CELF1: variants seen among roughly 807,000 people sequenced by gnomAD.
CELF1 encodes 50 kDa nuclear polyadenylated RNA-binding protein.
CELF1 carries 10 observed loss-of-function variants against 61.8 expected under a neutral mutation model. The ratio of observed to expected loss-of-function variants is 0.16; its 90% CI spans 0.10 to 0.27. CELF1 has a LOEUF of 0.27. Among genes scored for constraint, CELF1 ranks in the 10% least tolerant of loss-of-function variants. CELF1 has a pLI of 1.00. For missense variants in CELF1, 380 were observed against 639.1 expected (o/e 0.59, Z 4.37); for synonymous variants, 236 against 225.1 (o/e 1.05, Z -0.43).
intron 9 of CELF1, among the ~76,000 whole-genome samples, chr11:47,481,102 C>CTTTTTTTTTTTTTTT (rs1187959061): frequency 4.2e-4 from 30 of 71,436 alleles, no homozygotes; most frequent in Admixed American, 7.5e-4. Flanking sequence ...TTTTCTTCTT[C>CTTTTTTTTTTTTTTT]TTTTTTTTTT....
intron 1 of CELF1, among the ~76,000 whole-genome samples, chr11:47,529,803 A>C (rs1197705196): frequency 6.6e-6 from 1 of 152,104 alleles, no homozygotes; most frequent in African/African-American, 2.4e-5. Flanking sequence ...CCTGAGCAAC[A>C]GGGTAAGACT....
chr11:47,475,664 ATC>A, intron 12 of CELF1, 143 bp from the exon 13 acceptor site: 1 of 768,054 alleles, frequency 1.3e-6, no homozygotes, highest in Admixed American at 2.9e-5. Flanking sequence ...AGAAGAAACT[ATC>A]TGACTGGCTA....
At chr11:47,486,078 G>C (rs1365686587) in intron 6 of CELF1, among the ~76,000 whole-genome samples, 1 of 60,054 alleles carries the variant, frequency 1.7e-5, no homozygotes, top group Non-Finnish European at 3.2e-5. Context: ...GGAGAATGCA[G>C]TGAACCCGGG....
intron 1 of CELF1, chr11:47,514,985 C>G (rs369190832): frequency 1.3e-5 from 2 of 152,352 alleles, no homozygotes; most frequent in East Asian, 1.9e-4. Flanking sequence ...GTGGTGAGAG[C>G]TGGGAGGTGG....
At chr11:47,561,566 T>G (rs147255719) in intron 2 of CELF1, among the ~76,000 whole-genome samples, 2 of 151,402 alleles carry the variant, frequency 1.3e-5, no homozygotes, top group East Asian at 3.9e-4. Context: ...CCCTCCATAC[T>G]CTCCTGGTGG....
chr11:47,553,039 T>A lies in CELF1; in HGVS notation c.-201A>T, dbSNP rs1226081554. The A allele has an allele frequency of 1.7e-4, 69 of 398,038 alleles. No homozygotes were observed. The East Asian group carries it at 2.3e-3, about 14-fold the overall frequency. 24.7% of individuals were successfully genotyped at this position (398,038 alleles called of 1,614,324 possible). A position where few individuals can be genotyped will look rare whatever the true frequency, so the allele number is the denominator to read the frequency against. ...CGCTGCCTCAGTTGCTGCCTGCGCC[T>A]CCGCAGCCGCCGCCGCCGCCTCGCT... On this transcript the variant is annotated 5_prime_UTR_variant, in exon 1 of 15. Transcript: ENST00000687097.
chr11:47,494,471 T>C (rs1036817843), intron 3 of CELF1: 62 of 983,968 alleles, frequency 6.3e-5, no homozygotes, highest in Admixed American at 3.1e-4. Context: ...AGGGATACAA[T>C]TGGGAAGAGA....
intron 13 of CELF1, among the ~76,000 whole-genome samples, chr11:47,474,470 C>T (rs985296820): frequency 6.6e-6 from 1 of 152,246 alleles, no homozygotes; most frequent in African/African-American, 2.4e-5. Flanking sequence ...CACTCCCTAT[C>T]TCTCTTCCCG....
intron 3 of CELF1, among the ~76,000 whole-genome samples, chr11:47,489,763 A>G (rs1370162175): frequency 2.6e-5 from 4 of 152,040 alleles, no homozygotes; most frequent in Non-Finnish European, 5.9e-5. Flanking sequence ...AACGATCCCA[A>G]GTTTCTCTAG....
At chr11:47,508,472 G>A (rs6485758) in intron 1 of CELF1, among the ~76,000 whole-genome samples, 34,442 of 150,808 alleles carry the variant, frequency 0.23, 5,014 homozygotes, top group South Asian at 0.46. Flanking sequence ...AAGGGTAAGG[G>A]ACAGGTATCT....
chr11:47,553,210 G>C, upstream of CELF1: 1 of 388,440 alleles, frequency 2.6e-6, no homozygotes, highest in Non-Finnish European at 4.6e-6. Flanking sequence ...GAGGGGGAAC[G>C]TATCACCGCG....
Position 47,469,049 on chromosome 11 carries a change from A to G in CELF1, c.*3181T>C, listed in dbSNP as rs2077143124. Reference sequence around the variant, plus strand: ...GGGTAATGACAGGGAACTTTTGCACATGCTAACAATGGACACAGGGAAAAG... The same window carrying G: ...GGGTAATGACAGGGAACTTTTGCACGTGCTAACAATGGACACAGGGAAAAG... On this transcript the variant is annotated 3_prime_UTR_variant, in exon 15 of 15. Coordinates refer to ENST00000687097, the MANE Select transcript of CELF1 (RefSeq NM_001376376.1). The G allele has an allele frequency of 6.6e-6, 1 of 152,280 alleles. No homozygotes were observed. The highest frequency in any genetic ancestry group is 2.1e-4 in the South Asian group (1 of 4,828). 9.4% of individuals were successfully genotyped at this position (152,280 alleles called of 1,614,324 possible).
chr11:47,500,715 G>C (rs2093790399), intron 2 of CELF1, 146 bp downstream of exon 2: 1 of 391,996 alleles, frequency 2.6e-6, no homozygotes, highest in Admixed American at 4.4e-5. Context: ...GCAGATGTGT[G>C]CTCCCGTTCT....
chr11:47,558,816 T>C (rs527783873), intron 2 of CELF1, among the ~76,000 whole-genome samples: 1 of 123,494 alleles, frequency 8.1e-6, no homozygotes. Flanking sequence ...ATAATATATA[T>C]ATTGCAGCCA....
intron 1 of CELF1, among the ~76,000 whole-genome samples, chr11:47,532,914 T>C (rs1016566226): frequency 6.6e-6 from 1 of 152,172 alleles, no homozygotes; most frequent in Non-Finnish European, 1.5e-5. Context: ...ACTGCAAATG[T>C]GCAACAGCAT....
intron 1 of CELF1, among the ~76,000 whole-genome samples, chr11:47,539,372 C>T (rs1409347388): frequency 6.6e-6 from 1 of 152,206 alleles, no homozygotes; most frequent in Non-Finnish European, 1.5e-5. Flanking sequence ...TTCCCAACAG[C>T]TGGGTGTGGT....
At chr11:47,545,903 GTGTA>G (rs1565909055) in intron 1 of CELF1, among the ~76,000 whole-genome samples, 4 of 88,094 alleles carry the variant, frequency 4.5e-5, no homozygotes, top group Non-Finnish European at 9.4e-5. Flanking sequence ...GTGTGTGTGT[GTGTA>G]TATATATATT....
At chr11:47,555,700 AT>A (rs1301497382), upstream of CELF1, among the ~76,000 whole-genome samples, 1 of 152,040 alleles carries the variant, frequency 6.6e-6, no homozygotes, top group African/African-American at 2.4e-5. Context: ...ATTAAGATTT[AT>A]TTTTTTTAAA....
intron 1 of CELF1, among the ~76,000 whole-genome samples, chr11:47,531,237 C>T (rs1334380931): frequency 3.3e-5 from 5 of 151,066 alleles, no homozygotes; most frequent in East Asian, 1.9e-4. Flanking sequence ...AGCAAGACTC[C>T]GAATCAAAAC....
Sources: gnomAD v4.1 joint callset for allele counts (sites outside exome capture counted in the v4.1 genomes callset) on GRCh38, gnomAD v4.1.1 for gene constraint, MANE v1.5 for transcripts, NCBI Gene and HGNC (gene_info 2026-07-23, HGNC 2026-07-21) for gene names.